MYO3A: variants seen among roughly 807,000 people sequenced by gnomAD.
MYO3A encodes the protein myosin IIIA.
In MYO3A, 180 loss-of-function variants were observed where a neutral mutation model predicts 192.7. The ratio of observed to expected loss-of-function variants is 0.93; its 90% CI spans 0.83 to 1.06. The LOEUF (loss-of-function observed/expected upper bound fraction) is 1.06. Among genes scored for constraint, MYO3A ranks in the 50% least tolerant of loss-of-function variants. The probability of loss-of-function intolerance (pLI) is 0.00; values close to 1 mark genes in which losing one functional copy is unlikely to be tolerated. For missense variants in MYO3A, 1,896 were observed against 1,905.0 expected, an observed-to-expected ratio of 1.00 and a Z score of 0.09; for synonymous variants, 628 against 645.3, an observed-to-expected ratio of 0.97 and a Z score of 0.41.
chr10:26,197,096 A>G (rs941682689), intron 32 of MYO3A, among the ~76,000 whole-genome samples: 13 of 152,218 alleles, frequency 8.5e-5, no homozygotes, highest in African/African-American at 2.9e-4. Flanking sequence ...AAAGCCAATC[A>G]CTGAACCGAG....
At position 25,940,961 on chromosome 10, in the gene MYO3A, T is replaced by C. The variant is rs76509599; in HGVS notation, c.-18+5131T>C. Among the ~76,000 whole-genome samples, 561 of 152,338 alleles carry C rather than the reference T, an allele frequency of 3.7e-3. 5 individuals carry two copies. The highest frequency in any genetic ancestry group is 0.013 in the African/African-American group (546 of 41,576). On this transcript the variant is annotated intron_variant, in intron 2 of 34. Transcript: ENST00000642920. ...TTGGAGTGTTCTACCTTTCAACTAT[T>C]TTGGAAACTTCTCAGTCATTATTGA...
At chr10:26,085,745 G>C (rs1836264565) in intron 14 of MYO3A, among the ~76,000 whole-genome samples, 1 of 152,228 alleles carries the variant, frequency 6.6e-6, no homozygotes, top group African/African-American at 2.4e-5. Flanking sequence ...AGCCTGTGCA[G>C]ACTGCAGGGG....
chr10:26,123,567 G>A (rs1486056545), intron 18 of MYO3A, among the ~76,000 whole-genome samples: 2 of 152,184 alleles, frequency 1.3e-5, no homozygotes, highest in African/African-American at 2.4e-5. Context: ...AGTTATTGGT[G>A]TTTTATTTGG....
At chr10:26,158,218 T>A in intron 26 of MYO3A, among the ~76,000 whole-genome samples, 1 of 152,266 alleles carries the variant, frequency 6.6e-6, no homozygotes, top group Middle Eastern at 3.4e-3. Context: ...TAAATTTTTT[T>A]AAAAGAATCA....
intron 32 of MYO3A, among the ~76,000 whole-genome samples, chr10:26,198,773 A>C (rs1843538601): frequency 6.6e-6 from 1 of 152,216 alleles, no homozygotes; most frequent in African/African-American, 2.4e-5. Flanking sequence ...GGCCTCCTCA[A>C]GAAACACCCA....
At chr10:26,114,730 A>G (rs114031521) in intron 17 of MYO3A, among the ~76,000 whole-genome samples, 78 of 152,340 alleles carry the variant, frequency 5.1e-4, no homozygotes, top group African/African-American at 1.8e-3. Flanking sequence ...ACAAGCATTT[A>G]TTGAGTACTA....
intron 10 of MYO3A, among the ~76,000 whole-genome samples, chr10:26,049,091 A>T (rs1223403658): frequency 6.6e-6 from 1 of 152,238 alleles, no homozygotes; most frequent in Non-Finnish European, 1.5e-5. Context: ...CATTCAAGAA[A>T]ATAGTGTAAC....
intron 2 of MYO3A, 44 bp from the exon 3 acceptor site, chr10:25,952,050 T>G: frequency 1.4e-6 from 2 of 1,449,416 alleles, no homozygotes; most frequent in South Asian, 1.2e-5. Flanking sequence ...TGCCATTTGA[T>G]ATCCTCAATC....
At chr10:25,965,125 C>T (rs887953882) in intron 4 of MYO3A, among the ~76,000 whole-genome samples, 27 of 152,206 alleles carry the variant, frequency 1.8e-4, no homozygotes, top group African/African-American at 5.5e-4. Flanking sequence ...CCTTCTTGCA[C>T]GTGGATATTG....
chr10:25,976,151 GT>G (rs1407286558), intron 4 of MYO3A, among the ~76,000 whole-genome samples: 1 of 152,182 alleles, frequency 6.6e-6, no homozygotes, highest in Non-Finnish European at 1.5e-5. Context: ...GCTTATGGCA[GT>G]GTAAAACAGT....
intron 15 of MYO3A, among the ~76,000 whole-genome samples, chr10:26,089,321 G>T (rs560657692): frequency 6.6e-6 from 1 of 152,162 alleles, no homozygotes; most frequent in Non-Finnish European, 1.5e-5. Context: ...ATGGAAGGAG[G>T]CCGGGCACAG....
chr10:25,960,103 T>C (rs901781924), intron 4 of MYO3A, among the ~76,000 whole-genome samples: 2 of 152,078 alleles, frequency 1.3e-5, no homozygotes, highest in Non-Finnish European at 2.9e-5. Flanking sequence ...TATTGCAAAA[T>C]TTATTGAATT....
chr10:25,953,598 T>G (rs1180744648), intron 3 of MYO3A, among the ~76,000 whole-genome samples: 1 of 152,078 alleles, frequency 6.6e-6, no homozygotes, highest in Non-Finnish European at 1.5e-5. Flanking sequence ...GAGAAAGAAA[T>G]TCAGCCCAAT....
Position 26,095,513 on chromosome 10 carries a change from G to T in MYO3A, c.1563-868G>T, listed in dbSNP as rs1467249843. On this transcript the variant is annotated intron_variant, in intron 15 of 34. Transcript: ENST00000642920. ...AGTAAAGCAGGGAAGTAGAGATGGG[G>T]AAACTATAGAGCAGGAAGTTCATCC... Among the ~76,000 whole-genome samples, 5 of 152,100 alleles carry T rather than the reference G, an allele frequency of 3.3e-5. No individual in the cohort carries two copies. The East Asian group carries it at 9.6e-4, about 29-fold the overall frequency.
At chr10:26,194,866 G>A (rs1843327916) in intron 32 of MYO3A, among the ~76,000 whole-genome samples, 1 of 152,050 alleles carries the variant, frequency 6.6e-6, no homozygotes. Flanking sequence ...ATTCTACATA[G>A]ATACACATGG....
intron 17 of MYO3A, among the ~76,000 whole-genome samples, chr10:26,103,766 A>G (rs1019377812): frequency 2.6e-5 from 4 of 152,176 alleles, no homozygotes; most frequent in Non-Finnish European, 5.9e-5. Flanking sequence ...TAAATTGTTC[A>G]ACTGTTCTCC....
intron 29 of MYO3A, among the ~76,000 whole-genome samples, chr10:26,171,916 A>T (rs1842065901): frequency 6.6e-6 from 1 of 152,232 alleles, no homozygotes; most frequent in African/African-American, 2.4e-5. Flanking sequence ...TCTTCTGAGG[A>T]TACCAGGGAT....
Position 26,088,410 on chromosome 10 carries a change from G to C in MYO3A, c.1562+5G>C. On this transcript the variant is annotated splice_donor_5th_base_variant and intron_variant, in intron 15 of 34. Coordinates refer to ENST00000642920, the MANE Select transcript of MYO3A (RefSeq NM_017433.5). ...CCGAGTTATCCACCAAGCTATGTAA[G>C]TTTATTTCAAATCTCTCCTATTTTG... The C allele has an allele frequency of 6.2e-7, 1 of 1,611,100 alleles. No homozygotes were observed. The highest frequency in any genetic ancestry group is 8.5e-7 in the Non-Finnish European group (1 of 1,177,368).
chr10:26,179,577 G>A (rs1307478106), intron 31 of MYO3A, among the ~76,000 whole-genome samples: 1 of 152,108 alleles, frequency 6.6e-6, no homozygotes, highest in East Asian at 1.9e-4. Flanking sequence ...AGAACCCATT[G>A]ACATTGTCAA....
Sources: allele counts gnomAD v4.1 joint callset (sites outside exome capture counted in the v4.1 genomes callset), GRCh38; gene constraint gnomAD v4.1.1; transcripts MANE v1.5; gene names NCBI Gene and HGNC (gene_info 2026-07-23, HGNC 2026-07-21).